The following LGSN variants were observed in gnomAD, a reference collection of about 807,000 sequenced individuals.
LGSN encodes the protein lengsin.
A neutral mutation model predicts 19.5 loss-of-function variants in LGSN; 21 were observed. That is an observed-to-expected ratio of 1.07 (90% confidence interval 0.76 to 1.55). LGSN has a LOEUF of 1.55. Among genes scored for constraint, LGSN ranks in the 40% most tolerant of loss-of-function variants. The pLI is 0.00. For synonymous variants in LGSN, 257 were observed against 215.6 expected, an observed-to-expected ratio of 1.19 and a Z score of -1.68; for missense variants, 673 against 608.5, an observed-to-expected ratio of 1.11 and a Z score of -1.12.
At chr6:63,405,966 AG>A in the LGSN span, among the ~76,000 whole-genome samples, 1 of 152,238 alleles carries the variant, frequency 6.6e-6, no homozygotes, top group African/African-American at 2.4e-5. Flanking sequence ...CAATTCAACA[AG>A]AAGAGCTAAC....
At chr6:63,350,872 G>A in the LGSN span, among the ~76,000 whole-genome samples, 7 of 151,068 alleles carry the variant, frequency 4.6e-5, no homozygotes, top group African/African-American at 1.7e-4. Context: ...AAACAAAAAC[G>A]AGTTCAGACG....
the LGSN span, among the ~76,000 whole-genome samples, chr6:63,341,595 C>T: frequency 2.0e-5 from 3 of 152,102 alleles, no homozygotes; most frequent in African/African-American, 7.2e-5. Flanking sequence ...TCCACCTGTT[C>T]CCTGGGATAT....
the LGSN span, chr6:63,570,947 CT>C: frequency 6.6e-6 from 1 of 152,174 alleles, no homozygotes; most frequent in African/African-American, 2.4e-5. Context: ...AGCTTTGCCC[CT>C]ACCACCCAAG....
the LGSN span, among the ~76,000 whole-genome samples, chr6:63,451,142 G>T: frequency 6.6e-6 from 1 of 152,170 alleles, no homozygotes; most frequent in Non-Finnish European, 1.5e-5. Context: ...GTTGGTGGGA[G>T]TGTAAATTAG....
the LGSN span, among the ~76,000 whole-genome samples, chr6:63,503,354 G>T: frequency 2.6e-5 from 4 of 152,138 alleles, no homozygotes; most frequent in African/African-American, 9.7e-5. Context: ...AGACTTCATC[G>T]CCTGGAAGTA....
chr6:63,387,866 G>T, the LGSN span, among the ~76,000 whole-genome samples: 2 of 151,390 alleles, frequency 1.3e-5, no homozygotes, highest in African/African-American at 4.9e-5. Flanking sequence ...TTTATTTATT[G>T]ATTGATTTAT....
the LGSN span, among the ~76,000 whole-genome samples, chr6:63,566,972 C>T: frequency 3.9e-4 from 60 of 152,314 alleles, no homozygotes; most frequent in South Asian, 4.3e-3. Flanking sequence ...CTCTTTTCTC[C>T]TTCATAAGAA....
chr6:63,288,511 GA>G (rs1350096815), intron 2 of LGSN, among the ~76,000 whole-genome samples: 5 of 151,474 alleles, frequency 3.3e-5, no homozygotes, highest in Non-Finnish European at 4.4e-5. Flanking sequence ...TATGAAACTT[GA>G]TCACAACATG....
At chr6:63,419,878 CCCAAAAAAAAAAAAAAAAAAAAAAAAA>C in the LGSN span, among the ~76,000 whole-genome samples, 2 of 90,084 alleles carry the variant, frequency 2.2e-5, no homozygotes, top group Non-Finnish European at 4.0e-5. Flanking sequence ...GAAACTCCCT[CCCAAAAAAAAAAAAAAAAAAAAAAAAA>C]AAAAAAAAAA....
chr6:63,317,197 T>C (rs1472639803), intron 1 of LGSN, among the ~76,000 whole-genome samples: 1 of 152,188 alleles, frequency 6.6e-6, no homozygotes, highest in Non-Finnish European at 1.5e-5. Flanking sequence ...GTATATGTAA[T>C]GAATGACTCC....
At chr6:63,514,165 A>G in the LGSN span, among the ~76,000 whole-genome samples, 1 of 152,172 alleles carries the variant, frequency 6.6e-6, no homozygotes, top group Admixed American at 6.5e-5. Flanking sequence ...ACAAATAAGT[A>G]GAAATCTCTG....
At chr6:63,387,028 G>A in the LGSN span, among the ~76,000 whole-genome samples, 8 of 152,250 alleles carry the variant, frequency 5.3e-5, no homozygotes, top group Admixed American at 5.2e-4. Context: ...TTGAGCCCAG[G>A]AGGTGGAGGT....
chr6:63,563,576 T>A, the LGSN span, among the ~76,000 whole-genome samples: 1 of 152,160 alleles, frequency 6.6e-6, no homozygotes, highest in Non-Finnish European at 1.5e-5. Context: ...TATTCTATGC[T>A]TATTTACTTG....
the LGSN span, among the ~76,000 whole-genome samples, chr6:63,496,414 C>T: frequency 1.6e-4 from 25 of 152,050 alleles, no homozygotes; most frequent in Non-Finnish European, 4.4e-5. Flanking sequence ...TTGTGGAGTG[C>T]ATGAATGACG....
chr6:63,373,309 G>C, the LGSN span, among the ~76,000 whole-genome samples: 1 of 152,220 alleles, frequency 6.6e-6, no homozygotes, highest in Non-Finnish European at 1.5e-5. Flanking sequence ...AGGAAAAATA[G>C]TAACTACAGT....
At chr6:63,411,977 A>C in the LGSN span, among the ~76,000 whole-genome samples, 1 of 152,236 alleles carries the variant, frequency 6.6e-6, no homozygotes, top group African/African-American at 2.4e-5. Context: ...AGCAAACAAA[A>C]CAAGTAGAAA....
the LGSN span, among the ~76,000 whole-genome samples, chr6:63,540,261 G>A: frequency 3.0e-4 from 45 of 152,186 alleles, no homozygotes; most frequent in African/African-American, 1.1e-3. Flanking sequence ...GAGCCCAGAT[G>A]TATATAGAAT....
chr6:63,363,721 G>A, the LGSN span, among the ~76,000 whole-genome samples: 581 of 152,156 alleles, frequency 3.8e-3, 8 homozygotes, highest in African/African-American at 0.013. Context: ...AATTTACATC[G>A]GATTGGTGTA....
chr6:63,321,157 A>G (rs1769067380), upstream of LGSN, among the ~76,000 whole-genome samples: 1 of 152,124 alleles, frequency 6.6e-6, no homozygotes, highest in Non-Finnish European at 1.5e-5. Flanking sequence ...CCAGATCTCT[A>G]GTAGGGTGTT....
Sources: gnomAD v4.1 joint callset for allele counts (sites outside exome capture counted in the v4.1 genomes callset) on GRCh38, gnomAD v4.1.1 for gene constraint, MANE v1.5 for transcripts, NCBI Gene and HGNC (gene_info 2026-07-23, HGNC 2026-07-21) for gene names.